The following ANKS6 variants were observed in gnomAD, a reference collection of about 807,000 sequenced individuals.
The protein encoded by ANKS6 is ankyrin repeat and SAM domain-containing protein 6.
ANKS6 carries 47 observed loss-of-function variants against 77.9 expected under a neutral mutation model. That is an observed-to-expected ratio of 0.60 (90% confidence interval 0.48 to 0.77). The LOEUF (loss-of-function observed/expected upper bound fraction) is 0.77. Ranked by LOEUF, ANKS6 falls within the 30% of genes least tolerant of loss-of-function variation. The pLI is 0.00. For missense variants in ANKS6, 1,150 were observed against 1,159.1 expected (o/e 0.99, Z 0.11); for synonymous variants, 488 against 501.7 (o/e 0.97, Z 0.37).
intron 10 of ANKS6, among the ~76,000 whole-genome samples, chr9:98,770,305 C>T (rs1262210815): frequency 6.6e-6 from 1 of 152,166 alleles, no homozygotes; most frequent in Non-Finnish European, 1.5e-5. Context: ...TCCATTAAAC[C>T]TCTTTTTCTT....
At chr9:98,771,162 G>T in intron 9 of ANKS6, 116 bp from the exon 10 acceptor site, 1 of 1,231,230 alleles carries the variant, frequency 8.1e-7, no homozygotes, top group Non-Finnish European at 1.0e-6. Context: ...AAAGCTCGCT[G>T]TGCCCAGCAT....
At chr9:98,789,696 T>G (rs1342077918) in intron 2 of ANKS6, among the ~76,000 whole-genome samples, 1 of 152,220 alleles carries the variant, frequency 6.6e-6, no homozygotes, top group Non-Finnish European at 1.5e-5. Flanking sequence ...TCATTACATA[T>G]GTAAGGCTGC....
chr9:98,745,343 C>T (rs564698112), intron 14 of ANKS6, among the ~76,000 whole-genome samples: 2 of 152,334 alleles, frequency 1.3e-5, no homozygotes, highest in Admixed American at 6.5e-5. Flanking sequence ...GAGGGCCACA[C>T]CTAGCCCTGT....
At position 98,770,966 on chromosome 9, in the gene ANKS6, C is replaced by T. The variant is rs765475331; in HGVS notation, c.1902G>A (p.Ser634=). 25 of 1,598,012 alleles carry T rather than the reference C, an allele frequency of 1.6e-5. No individual in the cohort carries two copies. Among genetic ancestry groups the T allele is most frequent in the South Asian group, 4.5e-5 (4 of 88,094 alleles). The stretch of plus-strand genomic sequence containing the variant: ...CACTGGAGCCGCCCGATGAATGAGG[C>T]GAGTGGTTGAAGTTTCCAGAATTGG... The part of the protein sequence containing the change: ...SSANSGNFNH[S]PHSSGGSSGV... Residue 634 remains serine, a synonymous_variant, in exon 10 of 15, where the codon TCG becomes TCA. Transcript: ENST00000353234.
In ANKS6 at chr9:98,735,180, T is replaced by C; in HGVS notation, c.*1339A>G. The stretch of plus-strand genomic sequence containing the variant: ...CACTTTGGGCATACTGGTTCTAAGC[T>C]CCAACTAAGAGGCCATTGAGCTTCA... On this transcript the variant is annotated 3_prime_UTR_variant, in exon 15 of 15. Coordinates refer to ENST00000353234, the MANE Select transcript of ANKS6 (RefSeq NM_173551.5). 5 of 985,512 alleles carry C rather than the reference T, an allele frequency of 5.1e-6. No individual in the cohort carries two copies. The highest frequency in any genetic ancestry group is 6.0e-6 in the Non-Finnish European group (5 of 830,024). 61.0% of individuals were successfully genotyped at this position (985,512 alleles called of 1,614,324 possible). A position where few individuals can be genotyped will look rare whatever the true frequency, so the allele number is the denominator to read the frequency against.
intron 10 of ANKS6, 40 bp downstream of exon 10, chr9:98,770,856 A>T (rs779934077): frequency 2.9e-6 from 4 of 1,378,504 alleles, no homozygotes; most frequent in Non-Finnish European, 3.8e-6. Flanking sequence ...GTCCCAAGGG[A>T]TCACCCCACC....
At chr9:98,780,068 C>A in intron 6 of ANKS6, 121 bp downstream of exon 6, 1 of 1,379,456 alleles carries the variant, frequency 7.2e-7, no homozygotes, top group Non-Finnish European at 1.0e-6. Context: ...TGCCAGCTCA[C>A]CTGCCACCCC....
chr9:98,734,502 T>C lies in ANKS6; in HGVS notation c.*2017A>G. Reference sequence around the variant, plus strand: ...TTTCAGAGGCAAACAATTCTAGGCCTACTGTTAACCCCTGAAGCCATCAGT... The same window carrying C: ...TTTCAGAGGCAAACAATTCTAGGCCCACTGTTAACCCCTGAAGCCATCAGT... On this transcript the variant is annotated 3_prime_UTR_variant, in exon 15 of 15. Coordinates refer to ENST00000353234, the MANE Select transcript of ANKS6 (RefSeq NM_173551.5). 3.0e-6 allele frequency: 3 copies of C among 985,466 alleles called. No individual in the cohort carries two copies. The highest frequency in any genetic ancestry group is 3.6e-6 in the Non-Finnish European group (3 of 829,934). 61.0% of individuals were successfully genotyped at this position (985,466 alleles called of 1,614,324 possible).
At position 98,778,493 on chromosome 9, in the gene ANKS6, A is replaced by G. The variant is rs940097364; in HGVS notation, c.1369-69T>C. On this transcript the variant is annotated intron_variant, in intron 6 of 14. Coordinates refer to ENST00000353234, the MANE Select transcript of ANKS6 (RefSeq NM_173551.5). ...AAGGAGACCAGGCCCAGGACCTGCCAGCCCAGAGACAGTGACTACATTCAC... is the reference window on the plus strand; with the variant it reads ...AAGGAGACCAGGCCCAGGACCTGCCGGCCCAGAGACAGTGACTACATTCAC... 6.7e-6 allele frequency: 10 copies of G among 1,489,740 alleles called. 1 individual carries two copies. The South Asian group carries it at 1.2e-4, about 18-fold the overall frequency. 92.3% of individuals were successfully genotyped at this position (1,489,740 alleles called of 1,614,324 possible). A position where few individuals can be genotyped will look rare whatever the true frequency, so the allele number is the denominator to read the frequency against.
In ANKS6 at chr9:98,733,203, A is replaced by G; in HGVS notation, c.*3316T>C. Reference sequence around the variant, plus strand: ...ATGCTCAGTAAACGTTCGGTAAACAAAAGAATTAAAAAATAAACAATCTCC... The same window carrying G: ...ATGCTCAGTAAACGTTCGGTAAACAGAAGAATTAAAAAATAAACAATCTCC... On this transcript the variant is annotated 3_prime_UTR_variant, in exon 15 of 15. Transcript: ENST00000353234. The G allele has an allele frequency of 3.0e-6, 3 of 985,406 alleles. No individual in the cohort carries two copies. The highest frequency in any genetic ancestry group is 3.6e-6 in the Non-Finnish European group (3 of 829,904). The allele number at this position is 985,406 out of a possible 1,614,324, so 61.0% of individuals were successfully genotyped here.
intron 9 of ANKS6, among the ~76,000 whole-genome samples, chr9:98,771,703 C>T (rs111530225): frequency 7.2e-5 from 11 of 152,132 alleles, no homozygotes; most frequent in East Asian, 1.9e-4. Flanking sequence ...GCGGCTCCCC[C>T]CCATCCTTAC....
chr9:98,769,364 T>G (rs761306687), intron 10 of ANKS6, among the ~76,000 whole-genome samples: 1 of 151,980 alleles, frequency 6.6e-6, no homozygotes, highest in East Asian at 1.9e-4. Flanking sequence ...CAAATTTAAA[T>G]AAATGAAATC....
chr9:98,782,360 C>G (rs942404751), intron 5 of ANKS6, 107 bp downstream of exon 5: 10 of 1,007,636 alleles, frequency 9.9e-6, no homozygotes, highest in Non-Finnish European at 1.5e-5. Context: ...CTTTCCCCCA[C>G]GAATAAGCAA....
chr9:98,742,901 A>C (rs1253897460), intron 14 of ANKS6, among the ~76,000 whole-genome samples: 1 of 152,206 alleles, frequency 6.6e-6, no homozygotes, highest in Non-Finnish European at 1.5e-5. Flanking sequence ...TAGTTTATAT[A>C]AACTTTAAGA....
intron 14 of ANKS6, among the ~76,000 whole-genome samples, chr9:98,742,090 C>T (rs555306775): frequency 9.8e-5 from 15 of 152,296 alleles, no homozygotes; most frequent in Non-Finnish European, 1.6e-4. Flanking sequence ...AAAGACACTG[C>T]GGGCAAGGAA....
At chr9:98,749,544 G>C (rs906168852) in intron 13 of ANKS6, among the ~76,000 whole-genome samples, 1 of 152,180 alleles carries the variant, frequency 6.6e-6, no homozygotes, top group Non-Finnish European at 1.5e-5. Flanking sequence ...AAAGGGGAAA[G>C]GCCAATAAAT....
intron 11 of ANKS6, among the ~76,000 whole-genome samples, chr9:98,763,522 A>G (rs1833120122): frequency 6.6e-6 from 1 of 152,052 alleles, no homozygotes. Flanking sequence ...AAATATCTGT[A>G]TTAGAAAAAA....
At chr9:98,745,449 G>T in intron 14 of ANKS6, 110 bp downstream of exon 14, 1 of 1,021,908 alleles carries the variant, frequency 9.8e-7, no homozygotes, top group Non-Finnish European at 1.5e-6. Context: ...GAGGTAGTGA[G>T]TGCTTGCTCA....
intron 13 of ANKS6, among the ~76,000 whole-genome samples, chr9:98,748,673 C>T (rs772532338): frequency 1.3e-5 from 2 of 152,178 alleles, no homozygotes; most frequent in Non-Finnish European, 2.9e-5. Flanking sequence ...GCCACATACA[C>T]TAGTGGGGGT....
Sources: gnomAD v4.1 joint callset for allele counts (sites outside exome capture counted in the v4.1 genomes callset) on GRCh38, gnomAD v4.1.1 for gene constraint, MANE v1.5 for transcripts, NCBI Gene and HGNC (gene_info 2026-07-23, HGNC 2026-07-21) for gene names.